TRPT1: variants seen among roughly 807,000 people sequenced by gnomAD.
TRPT1 encodes the protein tRNA phosphotransferase 1.
In TRPT1, 22 loss-of-function variants were observed where a neutral mutation model predicts 28.4. The ratio of observed to expected loss-of-function variants is 0.78; its 90% CI spans 0.55 to 1.11. TRPT1 has a LOEUF of 1.11. TRPT1 is among the 50% of genes least tolerant of loss of function. The pLI is 0.00. For synonymous variants in TRPT1, 137 were observed against 132.4 expected, an observed-to-expected ratio of 1.03 and a Z score of -0.24; for missense variants, 308 against 317.7, an observed-to-expected ratio of 0.97 and a Z score of 0.23.
At position 64,224,298 on chromosome 11, in the gene TRPT1, G is replaced by T; in HGVS notation, c.546C>A (p.Pro182=). The T allele has an allele frequency of 6.2e-7, 1 of 1,613,842 alleles. No individual in the cohort carries two copies. The highest frequency in any genetic ancestry group is 1.1e-5 in the South Asian group (1 of 91,092). ...HCEIAVFIDG[P]LALADGIPFF... ...GTCCAGACTCACCTGCCAGAGCCAG[G>T]GGTCCATCGATGAACACAGCTATTT... Residue 182 remains proline (P), a synonymous_variant, in exon 6 of 8, where the codon CCC becomes CCA. Transcript: ENST00000317459.
At position 64,224,892 on chromosome 11, in the gene TRPT1, A is replaced by T; in HGVS notation, c.236T>A (p.Val79Glu). The change falls in exon 4 of 8, where the codon GTG becomes GAG. Residue 79 changes from valine (V) to glutamate (E), a missense_variant. Val to Glu is a moderately radical substitution (Grantham distance 121). Transcript: ENST00000317459. ...GFSAEDVQRVVDTNRKQRFAL... is the reference protein window; with the variant it reads ...GFSAEDVQRVEDTNRKQRFAL... Reference sequence around the variant, plus strand: ...GAACCGCTGCTTCCTATTGGTGTCCACCACGCGCTGCACATCTTCAGCAGA... The same window carrying T: ...GAACCGCTGCTTCCTATTGGTGTCCTCCACGCGCTGCACATCTTCAGCAGA... The T allele has an allele frequency of 6.2e-7, 1 of 1,608,060 alleles. No homozygotes were observed. Among genetic ancestry groups the T allele is most frequent in the African/African-American group, 1.3e-5 (1 of 74,906 alleles).
chr11:64,224,974 T>G lies in TRPT1; in HGVS notation c.158-4A>C. 6.4e-7 allele frequency: 1 copy of G among 1,553,692 alleles called. No homozygotes were observed. The highest frequency in any genetic ancestry group is 8.7e-7 in the Non-Finnish European group (1 of 1,149,342). ...GTGCCCAGGGGCACGAAGCCATCTG[T>G]GGGCAGGCAGGGTGCTCAGGAGCTA... is the stretch of plus-strand genomic sequence containing the variant. On this transcript the variant is annotated splice_polypyrimidine_tract_variant and splice_region_variant and intron_variant, in intron 3 of 7. Transcript: ENST00000317459.
rs546598707 is a variant in TRPT1, at chr11:64,225,395, G to T, written c.157+104C>A. 33 of 928,802 alleles carry T rather than the reference G, an allele frequency of 3.6e-5. No individual in the cohort carries two copies. In the South Asian group the frequency reaches 4.5e-4, roughly 13 times the overall value. The allele number at this position is 928,802 out of a possible 1,614,324, so 57.5% of individuals were successfully genotyped here. A position where few individuals can be genotyped will look rare whatever the true frequency, so the allele number is the denominator to read the frequency against. On this transcript the variant is annotated intron_variant, in intron 3 of 7. Coordinates refer to ENST00000317459, the MANE Select transcript of TRPT1 (RefSeq NM_001033678.4). Reference sequence around the variant, plus strand: ...TGTGCATGGGGAGGAAGTGCACTCTGTGCCTTCCTCAGGGAGCGGTGGAGG... The same window carrying T: ...TGTGCATGGGGAGGAAGTGCACTCTTTGCCTTCCTCAGGGAGCGGTGGAGG...
Position 64,224,096 on chromosome 11 carries a change from TC to T in TRPT1, c.670+3del. 6.2e-7 allele frequency: 1 copy of T among 1,606,390 alleles called. No individual in the cohort carries two copies. The highest frequency in any genetic ancestry group is 8.5e-7 in the Non-Finnish European group (1 of 1,175,044). ...GGAATAGGGGCTGGGGTGGTGGTTC[TC>T]ACGGGTAGGGCGTAGCTGCAGGGCC... On this transcript the variant is annotated splice_donor_region_variant and intron_variant, in intron 7 of 7. Coordinates refer to ENST00000317459, the MANE Select transcript of TRPT1 (RefSeq NM_001033678.4).
chr11:64,226,077 C>A lies in TRPT1; in HGVS notation c.-37G>T. The A allele has an allele frequency of 3.6e-6, 2 of 551,152 alleles. No homozygotes were observed. Among genetic ancestry groups the A allele is most frequent in the Non-Finnish European group, 3.2e-6 (1 of 312,624 alleles). 34.1% of individuals were successfully genotyped at this position (551,152 alleles called of 1,614,324 possible). ...AAGGTCACACGGTCAGCCAGGAGCG[C>A]AGGGAGGCCGAGCCCCGCACCCCAG... On this transcript the variant is annotated 5_prime_UTR_variant, in exon 1 of 8. Coordinates refer to ENST00000317459, the MANE Select transcript of TRPT1 (RefSeq NM_001033678.4).
rs763777039 is a variant in TRPT1 at position 64,224,668 on chromosome 11, G to A, written c.377C>T (p.Pro126Leu). The change falls in exon 5 of 8, where the codon CCG (proline) becomes CTG (leucine). Residue 126 changes from proline (P) to leucine (L), a missense_variant. Pro to Leu is a moderately conservative substitution (Grantham distance 98, BLOSUM62 -3). Coordinates refer to ENST00000317459, the MANE Select transcript of TRPT1 (RefSeq NM_001033678.4). Reference protein sequence around the residue: ...MPLETPQALPPMLVHGTFWKH... With the variant: ...MPLETPQALPLMLVHGTFWKH... ...CCAGAATGTACCATGGACTAGCATC[G>A]GGGGCAGGGCCTGCGGTGTCTCCAG... is the stretch of plus-strand genomic sequence containing the variant. 2.1e-5 allele frequency: 33 copies of A among 1,605,236 alleles called. No individual in the cohort carries two copies. The highest frequency in any genetic ancestry group is 2.7e-5 in the Non-Finnish European group (32 of 1,175,006).
intron 3 of TRPT1, 72 bp downstream of exon 3, chr11:64,225,427 T>C: frequency 7.5e-7 from 1 of 1,332,194 alleles, no homozygotes; most frequent in South Asian, 1.3e-5. Context: ...GAGGCAGCCA[T>C]CAGGGAGGAG....
rs1946829625 is a variant in TRPT1 at position 64,224,331 on chromosome 11, G to A, written c.513C>T (p.Ser171=). ...CGATGAACACAGCTATTTCACAATG[G>A]GACCGCATGCCTGCAGAGACAGCTG... ...GDPGIISGMR[S]HCEIAVFIDG... is the part of the protein sequence containing the mutation. Residue 171 remains serine (S), a synonymous_variant, in exon 6 of 8, where the codon TCC becomes TCT. Transcript: ENST00000317459. 1.2e-6 allele frequency: 2 copies of A among 1,613,742 alleles called. No individual in the cohort carries two copies. Among genetic ancestry groups the A allele is most frequent in the Non-Finnish European group, 1.7e-6 (2 of 1,180,020 alleles).
At chr11:64,224,472 T>G (rs1002898986) in intron 5 of TRPT1, 71 bp downstream of exon 5, 17 of 1,582,262 alleles carry the variant, frequency 1.1e-5, no homozygotes, top group Admixed American at 8.6e-5. Context: ...CAGACAAGTG[T>G]TGTAACCTTT....
At position 64,224,696 on chromosome 11, in the gene TRPT1, G is replaced by C; in HGVS notation, c.349C>G (p.Pro117Ala). 6.3e-7 allele frequency: 1 copy of C among 1,597,936 alleles called. No homozygotes were observed. Among genetic ancestry groups the C allele is most frequent in the African/African-American group, 1.3e-5 (1 of 74,870 alleles). The stretch of plus-strand genomic sequence containing the variant: ...GGCAGGGCCTGCGGTGTCTCCAGGG[G>C]CATCAGCTCCAACTTAGGTACCTGG... ...SLQVPKLELM[P>A]LETPQALPPM... Residue 117 changes from proline (P) to alanine (A), a missense_variant, in exon 5 of 8, where the codon CCC becomes GCC. Transcript: ENST00000317459.
At position 64,224,679 on chromosome 11, in the gene TRPT1, C is replaced by T. The variant is rs751469918; in HGVS notation, c.366G>A (p.Gln122=). The change falls in exon 5 of 8, where the codon CAG becomes CAA. Residue 122 remains glutamine (Q), a synonymous_variant. Transcript: ENST00000317459. ...CATGGACTAGCATCGGGGGCAGGGC[C>T]TGCGGTGTCTCCAGGGGCATCAGCT... ...KLELMPLETP[Q]ALPPMLVHGT... is the part of the protein sequence containing the mutation. 6.2e-7 allele frequency: 1 copy of T among 1,602,274 alleles called. No homozygotes were observed. Among genetic ancestry groups the T allele is most frequent in the Non-Finnish European group, 8.5e-7 (1 of 1,173,406 alleles).
chr11:64,225,275 C>T, intron 3 of TRPT1: 1 of 610,686 alleles, frequency 1.6e-6, no homozygotes, highest in South Asian at 2.0e-5. Context: ...GATCTGGCTG[C>T]TTGGCTGGAG....
chr11:64,224,307 G>C lies in TRPT1; in HGVS notation c.537C>G (p.Ile179Met). Residue 179 changes from isoleucine to methionine, a missense_variant, in exon 6 of 8, where the codon ATC becomes ATG. Physicochemically the swap from Ile to Met is conservative, Grantham distance 10 (BLOSUM62 1). Coordinates refer to ENST00000317459, the MANE Select transcript of TRPT1 (RefSeq NM_001033678.4). ...MRSHCEIAVF[I>M]DGPLALADGI... is the part of the protein sequence containing the mutation. Reference sequence around the variant, plus strand: ...CACCTGCCAGAGCCAGGGGTCCATCGATGAACACAGCTATTTCACAATGGG... The same window carrying C: ...CACCTGCCAGAGCCAGGGGTCCATCCATGAACACAGCTATTTCACAATGGG... The C allele has an allele frequency of 6.2e-7, 1 of 1,613,796 alleles. No homozygotes were observed.
At chr11:64,225,330 T>C (rs1285510423) in intron 3 of TRPT1, 169 bp downstream of exon 3, 1 of 637,900 alleles carries the variant, frequency 1.6e-6, no homozygotes, top group Middle Eastern at 4.3e-4. Flanking sequence ...CTCCTCAGTC[T>C]GCTGTGGACA....
In TRPT1 at chr11:64,224,340, G is replaced by T. The variant is rs573129191; in HGVS notation, c.504C>A (p.Gly168=). ...CAGCTATTTCACAATGGGACCGCATGCCTGCAGAGACAGCTGGAGCTGAGG... is the reference window on the plus strand; with the variant it reads ...CAGCTATTTCACAATGGGACCGCATTCCTGCAGAGACAGCTGGAGCTGAGG... ...GLPGDPGIIS[G]MRSHCEIAVF... Residue 168 remains glycine (G), a splice_region_variant and synonymous_variant, in exon 6 of 8, where the codon GGC becomes GGA. Transcript: ENST00000317459. 1.2e-5 allele frequency: 19 copies of T among 1,613,734 alleles called. No homozygotes were observed. In the South Asian group the frequency reaches 2.1e-4, roughly 18 times the overall value.
intron 4 of TRPT1, 25 bp from the exon 5 acceptor site, chr11:64,224,742 C>T: frequency 1.2e-6 from 2 of 1,603,004 alleles, no homozygotes; most frequent in Non-Finnish European, 1.7e-6. Flanking sequence ...AGCAGTGAGA[C>T]CCCCTTCGCA....
At position 64,224,635 on chromosome 11, in the gene TRPT1, C is replaced by T; in HGVS notation, c.410G>A (p.Trp137Ter). Reference protein sequence around the residue: ...MLVHGTFWKHWPSILLKGLSC... With the variant: ...MLVHGTFWKH ...CAGGCCTTTGAGTAGGATGGATGGC[C>T]AGTGCTTCCAGAATGTACCATGGAC... is the stretch of plus-strand genomic sequence containing the variant. The change falls in exon 5 of 8, where the codon TGG becomes TAG. Residue 137 changes from tryptophan to a stop codon, truncating the protein, a stop_gained. Coordinates refer to ENST00000317459, the MANE Select transcript of TRPT1 (RefSeq NM_001033678.4). LOFTEE classifies it high-confidence loss of function. 1 of 1,608,436 alleles carries T rather than the reference C, an allele frequency of 6.2e-7. No individual in the cohort carries two copies. Among genetic ancestry groups the T allele is most frequent in the South Asian group, 1.1e-5 (1 of 90,190 alleles).
chr11:64,224,262 G>A, intron 6 of TRPT1, 23 bp downstream of exon 6: 1 of 1,613,878 alleles, frequency 6.2e-7, no homozygotes. Flanking sequence ...GGCAAGGGCA[G>A]CTCCTGCTTT....
intron 3 of TRPT1, 87 bp from the exon 4 acceptor site, chr11:64,225,057 C>A: frequency 1.4e-6 from 2 of 1,442,568 alleles, no homozygotes. Context: ...GAAACAAAGT[C>A]TGGGCTTGGA....
Sources: allele counts gnomAD v4.1 joint callset, GRCh38; gene constraint gnomAD v4.1.1; transcripts MANE v1.5; gene names NCBI Gene and HGNC (gene_info 2026-07-23, HGNC 2026-07-21).